The following CGNL1 variants were observed in gnomAD, a reference collection of about 807,000 sequenced individuals.
CGNL1 encodes cingulin-like protein 1.
Under a neutral mutation model 141.2 loss-of-function variants are expected in CGNL1, and 132 were observed. That is an observed-to-expected ratio of 0.93 (90% confidence interval 0.81 to 1.08). CGNL1 has a LOEUF of 1.08. Ranked by LOEUF, CGNL1 falls within the 50% of genes least tolerant of loss-of-function variation. The probability of loss-of-function intolerance (pLI) is 0.00; values close to 1 mark genes in which losing one functional copy is unlikely to be tolerated. For synonymous variants in CGNL1, 690 were observed against 622.1 expected, an observed-to-expected ratio of 1.11 and a Z score of -1.63; for missense variants, 1,870 against 1,588.6, an observed-to-expected ratio of 1.18 and a Z score of -3.01.
In CGNL1 at chr15:57,438,133, G is replaced by A. The variant is rs1421034702; in HGVS notation, c.134G>A (p.Arg45Gln). Residue 45 changes from arginine to glutamine, a missense_variant, in exon 2 of 19, where the codon CGG becomes CAG. Arg to Gln is a conservative substitution (Grantham distance 43). Coordinates refer to ENST00000281282, the MANE Select transcript of CGNL1 (RefSeq NM_032866.5). ...SKAGSYGVSI[R>Q]VQGIDGHPYI... is the part of the protein sequence containing the mutation. Reference sequence around the variant, plus strand: ...GCAGGCTCCTACGGTGTCAGTATTCGGGTCCAGGGAATTGATGGTCACCCC... The same window carrying A: ...GCAGGCTCCTACGGTGTCAGTATTCAGGTCCAGGGAATTGATGGTCACCCC... 1.2e-6 allele frequency: 2 copies of A among 1,614,118 alleles called. No individual in the cohort carries two copies. Among genetic ancestry groups the A allele is most frequent in the East Asian group, 2.2e-5 (1 of 44,880 alleles).
At chr15:57,502,668 G>T (rs1176703556) in intron 8 of CGNL1, among the ~76,000 whole-genome samples, 2 of 152,172 alleles carry the variant, frequency 1.3e-5, no homozygotes, top group African/African-American at 4.8e-5. Flanking sequence ...TCATGAGCCT[G>T]TCTTCAGGCA....
chr15:57,428,918 G>A (rs2063011295), intron 1 of CGNL1, among the ~76,000 whole-genome samples: 1 of 152,034 alleles, frequency 6.6e-6, no homozygotes, highest in African/African-American at 2.4e-5. Flanking sequence ...AGCTACTCCG[G>A]AGGCTGAGGC....
chr15:57,411,604 A>G (rs1250786418), intron 1 of CGNL1, among the ~76,000 whole-genome samples: 1 of 151,706 alleles, frequency 6.6e-6, no homozygotes, highest in Non-Finnish European at 1.5e-5. Context: ...CCACCATGCC[A>G]GGCTAATTTT....
intron 12 of CGNL1, among the ~76,000 whole-genome samples, chr15:57,526,888 G>A (rs2031648784): frequency 1.3e-5 from 2 of 152,070 alleles, no homozygotes; most frequent in Admixed American, 1.3e-4. Context: ...ATTGGGAAGG[G>A]GGACAGGAAG....
In CGNL1 at chr15:57,549,764, C is replaced by T. The variant is rs1310900411; in HGVS notation, c.*2274C>T. 2 of 152,184 alleles carry T rather than the reference C, an allele frequency of 1.3e-5. No individual in the cohort carries two copies. Among genetic ancestry groups the T allele is most frequent in the African/African-American group, 2.4e-5 (1 of 41,422 alleles). 9.4% of individuals were successfully genotyped at this position (152,184 alleles called of 1,614,324 possible). ...TCAAATCGACATGGAGGTTGAGCAC[C>T]TCTGTACTCAGCCCTCTGTCTGTCC... On this transcript the variant is annotated 3_prime_UTR_variant, in exon 19 of 19. Transcript: ENST00000281282.
chr15:57,388,017 G>A (rs2062502397), intron 1 of CGNL1, among the ~76,000 whole-genome samples: 2 of 152,224 alleles, frequency 1.3e-5, no homozygotes, highest in Non-Finnish European at 2.9e-5. Flanking sequence ...CCAGCTCCTT[G>A]GAGAGAGACT....
chr15:57,549,195 C>G lies in CGNL1; in HGVS notation c.*1705C>G, dbSNP rs1486429460. On this transcript the variant is annotated 3_prime_UTR_variant, in exon 19 of 19. Transcript: ENST00000281282. ...GTGTCACTTCACAATGTGACAGTCCCCAGGCATGCCCACAGGCCAGGCCCA... is the reference window on the plus strand; with the variant it reads ...GTGTCACTTCACAATGTGACAGTCCGCAGGCATGCCCACAGGCCAGGCCCA... 2 of 152,308 alleles carry G rather than the reference C, an allele frequency of 1.3e-5. No homozygotes were observed. Among genetic ancestry groups the G allele is most frequent in the Non-Finnish European group, 2.9e-5 (2 of 68,126 alleles). The allele number at this position is 152,308 out of a possible 1,614,324, so 9.4% of individuals were successfully genotyped here.
At chr15:57,536,627 G>C (rs2032274041) in intron 14 of CGNL1, among the ~76,000 whole-genome samples, 2 of 152,176 alleles carry the variant, frequency 1.3e-5, no homozygotes, top group Admixed American at 6.5e-5. Context: ...GCTGGCGTTT[G>C]GTCTGTTTAA....
In CGNL1 at chr15:57,461,645, T is replaced by C. The variant is rs1595728480; in HGVS notation, c.2191-35T>C. On this transcript the variant is annotated intron_variant, in intron 7 of 18. Transcript: ENST00000281282. ...CAGGGCCTCTCAACAAGATGTTTCA[T>C]TGTCACCTTCTCCCTTCGTGTTTCC... is the stretch of plus-strand genomic sequence containing the variant. The C allele has an allele frequency of 1.9e-6, 3 of 1,581,970 alleles. No homozygotes were observed. In the East Asian group the frequency reaches 6.7e-5, roughly 35 times the overall value.
chr15:57,446,059 G>T (rs1362146855), intron 4 of CGNL1, among the ~76,000 whole-genome samples: 1 of 152,146 alleles, frequency 6.6e-6, no homozygotes, highest in Admixed American at 6.5e-5. Context: ...AATCTCACTG[G>T]CGGTGACTCA....
chr15:57,506,840 A>C (rs954571186), intron 8 of CGNL1, among the ~76,000 whole-genome samples: 1 of 152,202 alleles, frequency 6.6e-6, no homozygotes, highest in African/African-American at 2.4e-5. Context: ...TAATGAGAAA[A>C]CTGAAGTTTC....
intron 1 of CGNL1, among the ~76,000 whole-genome samples, chr15:57,394,544 C>A (rs1374077321): frequency 3.3e-5 from 5 of 152,166 alleles, no homozygotes; most frequent in African/African-American, 1.2e-4. Context: ...GGTTCAAAAT[C>A]AGGCAGTTTG....
rs377479463 is a variant in CGNL1 at position 57,439,541 on chromosome 15, G to A, written c.1542G>A (p.Ser514=). The A allele has an allele frequency of 1.9e-6, 3 of 1,613,998 alleles. No homozygotes were observed. Among genetic ancestry groups the A allele is most frequent in the African/African-American group, 1.3e-5 (1 of 74,922 alleles). Residue 514 remains serine (S), a synonymous_variant, in exon 2 of 19, where the codon TCG becomes TCA. Coordinates refer to ENST00000281282, the MANE Select transcript of CGNL1 (RefSeq NM_032866.5). ...LMLQNRATAT[S]PDSGAKKISV... The stretch of plus-strand genomic sequence containing the variant: ...TACAGAACCGGGCAACAGCAACTTC[G>A]CCTGATTCTGGTGCCAAGAAAATTT...
Position 57,439,569 on chromosome 15 carries a change from G to C in CGNL1, c.1570G>C (p.Val524Leu), listed in dbSNP as rs745940993. 1 of 1,613,790 alleles carries C rather than the reference G, an allele frequency of 6.2e-7. No individual in the cohort carries two copies. The highest frequency in any genetic ancestry group is 8.5e-7 in the Non-Finnish European group (1 of 1,180,002). The change falls in exon 2 of 19, where the codon GTG becomes CTG. Residue 524 changes from valine (V) to leucine (L), a missense_variant. Val to Leu is a conservative substitution (Grantham distance 32). Coordinates refer to ENST00000281282, the MANE Select transcript of CGNL1 (RefSeq NM_032866.5). ...TGATTCTGGTGCCAAGAAAATTTCC[G>C]TGAAGACATTTCCTTCGGCCTCAAA... is the stretch of plus-strand genomic sequence containing the variant. ...SPDSGAKKIS[V>L]KTFPSASNTQ...
intron 8 of CGNL1, among the ~76,000 whole-genome samples, chr15:57,491,052 A>G (rs1292363): frequency 0.81 from 123,263 of 151,872 alleles, 50,046 homozygotes; most frequent in South Asian, 0.85. Context: ...AATGTGATGG[A>G]GTATCCTGAG....
chr15:57,396,808 C>T (rs754364776), intron 1 of CGNL1: 1 of 152,110 alleles, frequency 6.6e-6, no homozygotes, highest in Non-Finnish European at 1.5e-5. Flanking sequence ...GATTTTGACT[C>T]CATAGCCTAT....
intron 4 of CGNL1, among the ~76,000 whole-genome samples, chr15:57,449,906 A>G (rs1288626697): frequency 6.6e-6 from 1 of 152,074 alleles, no homozygotes; most frequent in African/African-American, 2.4e-5. Context: ...TCATTTTAGT[A>G]TTGAGTATTA....
At chr15:57,532,498 A>AT (rs2032005423) in intron 14 of CGNL1, among the ~76,000 whole-genome samples, 1 of 152,204 alleles carries the variant, frequency 6.6e-6, no homozygotes, top group Non-Finnish European at 1.5e-5. Context: ...TTTGGATAAT[A>AT]CTGCATGTAT....
At chr15:57,386,578 C>T (rs1246049095) in intron 1 of CGNL1, among the ~76,000 whole-genome samples, 1 of 152,148 alleles carries the variant, frequency 6.6e-6, no homozygotes, top group Admixed American at 6.5e-5. Context: ...ATGAGGTCAG[C>T]CACTCACAGG....
Sources: gnomAD v4.1 joint callset for allele counts (sites outside exome capture counted in the v4.1 genomes callset) on GRCh38, gnomAD v4.1.1 for gene constraint, MANE v1.5 for transcripts, NCBI Gene and HGNC (gene_info 2026-07-23, HGNC 2026-07-21) for gene names.